DPY19L2: variants seen among roughly 807,000 people sequenced by gnomAD.
DPY19L2 encodes the protein probable C-mannosyltransferase DPY19L2.
Under a neutral mutation model 97.9 loss-of-function variants are expected in DPY19L2, and 34 were observed. The ratio of observed to expected loss-of-function variants is 0.35; its 90% confidence interval spans 0.26 to 0.46. The LOEUF is 0.46. Ranked by LOEUF, DPY19L2 falls within the 20% of genes least tolerant of loss-of-function variation. DPY19L2 has a pLI of 1.00. For missense variants in DPY19L2, 623 were observed against 911.4 expected (o/e 0.68, Z 4.07); for synonymous variants, 230 against 307.9 (o/e 0.75, Z 2.65).
At chr12:63,604,295 T>A (rs1307949888) in intron 12 of DPY19L2, among the ~76,000 whole-genome samples, 1 of 152,196 alleles carries the variant, frequency 6.6e-6, no homozygotes, top group Non-Finnish European at 1.5e-5. Context: ...AGTTAACTTA[T>A]AATGTATCTT....
At chr12:63,628,604 G>A (rs976633975) in intron 6 of DPY19L2, among the ~76,000 whole-genome samples, 2 of 152,220 alleles carry the variant, frequency 1.3e-5, no homozygotes, top group South Asian at 2.1e-4. Context: ...ACAGCTCAAC[G>A]AGGCCTCCCT....
At chr12:63,630,465 A>G (rs1325231766) in intron 6 of DPY19L2, among the ~76,000 whole-genome samples, 1 of 152,102 alleles carries the variant, frequency 6.6e-6, no homozygotes, top group African/African-American at 2.4e-5. Flanking sequence ...CAAAAAAGAC[A>G]AATAAGGTAA....
At chr12:63,574,178 T>C (rs1879401199) in intron 19 of DPY19L2, among the ~76,000 whole-genome samples, 1 of 151,814 alleles carries the variant, frequency 6.6e-6, no homozygotes. Flanking sequence ...AGTGGGGAGA[T>C]GAAGTTAAAG....
intron 16 of DPY19L2, among the ~76,000 whole-genome samples, chr12:63,590,601 C>T (rs1313593954): frequency 1.3e-5 from 2 of 151,804 alleles, no homozygotes; most frequent in East Asian, 3.9e-4. Flanking sequence ...GGAAGAGGCC[C>T]AAGACACACT....
At chr12:63,576,411 A>G (rs1879832807) in intron 19 of DPY19L2, among the ~76,000 whole-genome samples, 1 of 151,898 alleles carries the variant, frequency 6.6e-6, no homozygotes. Flanking sequence ...TTTTTACCAC[A>G]TTATTCAACA....
intron 11 of DPY19L2, among the ~76,000 whole-genome samples, chr12:63,615,246 T>C (rs1258546762): frequency 6.6e-6 from 1 of 152,164 alleles, no homozygotes; most frequent in Non-Finnish European, 1.5e-5. Flanking sequence ...AGGGAATCAA[T>C]TCATTATTTT....
intron 15 of DPY19L2, 72 bp from the exon 16 acceptor site, chr12:63,594,205 A>G (rs1883693104): frequency 8.9e-7 from 1 of 1,121,966 alleles, no homozygotes; most frequent in Non-Finnish European, 1.3e-6. Context: ...TGATTCATTA[A>G]TATAAACACT....
chr12:63,576,709 T>C lies in DPY19L2; in HGVS notation c.1900+3953A>G, dbSNP rs78777202. 6.5e-4 allele frequency among the ~76,000 whole-genome samples: 98 copies of C among 151,928 alleles called. 1 individual carries two copies. The East Asian group carries it at 0.018, about 28-fold the overall frequency. ...CATTTACAGTAGCCACACATAAAAT[T>C]AAATACCTAGAAATTAACCAAAGAA... On this transcript the variant is annotated intron_variant, in intron 19 of 21. Coordinates refer to ENST00000324472, the MANE Select transcript of DPY19L2 (RefSeq NM_173812.5).
In DPY19L2 at chr12:63,633,310, C is replaced by T. The variant is rs560194540; in HGVS notation, c.804-6784G>A. 3.3e-4 allele frequency among the ~76,000 whole-genome samples: 50 copies of T among 152,226 alleles called. 2 individuals are homozygous for T. In the South Asian group the frequency reaches 0.01, roughly 32 times the overall value. ...GAATGGGAGAAATTTTTGCAATCTA[C>T]TCATCTGACAAAGGGCTAATATCCA... On this transcript the variant is annotated intron_variant, in intron 6 of 21. Transcript: ENST00000324472.
chr12:63,638,394 A>C (rs1464249887), intron 6 of DPY19L2, among the ~76,000 whole-genome samples: 3 of 152,156 alleles, frequency 2.0e-5, no homozygotes, highest in African/African-American at 7.2e-5. Context: ...AAGTGTATTC[A>C]ATCAGGAAAG....
chr12:63,633,002 G>A (rs550595760), intron 6 of DPY19L2, among the ~76,000 whole-genome samples: 1 of 152,194 alleles, frequency 6.6e-6, no homozygotes, highest in East Asian at 1.9e-4. Context: ...TCGGAAAACT[G>A]GCTAGCCATA....
At chr12:63,596,379 T>C (rs929460897) in intron 14 of DPY19L2, among the ~76,000 whole-genome samples, 1 of 152,190 alleles carries the variant, frequency 6.6e-6, no homozygotes, top group African/African-American at 2.4e-5. Flanking sequence ...TGTAACTTTC[T>C]GTACTACACA....
At chr12:63,600,691 C>G (rs1033620687) in intron 12 of DPY19L2, among the ~76,000 whole-genome samples, 1 of 150,098 alleles carries the variant, frequency 6.7e-6, no homozygotes, top group African/African-American at 2.5e-5. Flanking sequence ...AAACAGCTCC[C>G]CGTACAGAGA....
Position 63,647,313 on chromosome 12 carries a change from C to A in DPY19L2, c.641G>T (p.Gly214Val), listed in dbSNP as rs1386038479. The A allele has an allele frequency of 3.8e-6, 6 of 1,589,678 alleles. No homozygotes were observed. Among genetic ancestry groups the A allele is most frequent in the Non-Finnish European group, 5.1e-6 (6 of 1,166,532 alleles). The change falls in exon 5 of 22, where the codon GGA (glycine) becomes GTA (valine). Residue 214 changes from glycine to valine, a missense_variant. Gly to Val is a moderately radical substitution (Grantham distance 109, BLOSUM62 -3). This residue lies in a region of DPY19L2 where 27 missense variants were observed against 77.5 expected (regional missense o/e 0.35). Transcript: ENST00000324472. ...ATTCCAGCAGGTCTTAGTTTCTAGT[C>A]CAAATAAATTCATTATTCCCATGAA... Reference protein sequence around the residue: ...CTFMGIMNLFGLETKTCWNVT... With the variant: ...CTFMGIMNLFVLETKTCWNVT...
At chr12:63,646,703 G>T (rs1224874955) in intron 5 of DPY19L2, among the ~76,000 whole-genome samples, 7 of 152,224 alleles carry the variant, frequency 4.6e-5, no homozygotes, top group Non-Finnish European at 7.4e-5. Flanking sequence ...ATGTATCCTG[G>T]AAAGCTGTTA....
intron 6 of DPY19L2, among the ~76,000 whole-genome samples, chr12:63,634,550 G>T (rs1016659734): frequency 6.6e-6 from 1 of 152,160 alleles, no homozygotes; most frequent in Admixed American, 6.5e-5. Flanking sequence ...AGCCGTGATA[G>T]ACAGTACCTG....
intron 6 of DPY19L2, among the ~76,000 whole-genome samples, chr12:63,631,671 T>C (rs1890688718): frequency 6.6e-6 from 1 of 152,070 alleles, no homozygotes; most frequent in Non-Finnish European, 1.5e-5. Context: ...CTGAAACTAT[T>C]CCAATCAATA....
chr12:63,595,068 G>A (rs1883981305), intron 15 of DPY19L2, among the ~76,000 whole-genome samples: 1 of 152,158 alleles, frequency 6.6e-6, no homozygotes, highest in South Asian at 2.1e-4. Context: ...GAGATGTCGA[G>A]GGAGATACCT....
chr12:63,574,628 G>A (rs979170647), intron 19 of DPY19L2, among the ~76,000 whole-genome samples: 2 of 151,860 alleles, frequency 1.3e-5, no homozygotes, highest in Non-Finnish European at 2.9e-5. Context: ...ATTCCATGCC[G>A]ATGGAAACCA....
Sources: gnomAD v4.1 joint callset for allele counts (sites outside exome capture counted in the v4.1 genomes callset) on GRCh38, gnomAD v4.1.1 for gene constraint, gnomAD v4.1.1 regional missense constraint, MANE v1.5 for transcripts, NCBI Gene and HGNC (gene_info 2026-07-23, HGNC 2026-07-21) for gene names.